The following FANCA variants were observed in gnomAD, a reference collection of about 807,000 sequenced individuals.
FANCA encodes the protein Fanconi anemia group A protein.
FANCA carries 236 observed loss-of-function variants against 194.3 expected under a neutral mutation model. The ratio of observed to expected loss-of-function variants is 1.21; its 90% CI spans 1.09 to 1.35. FANCA has a LOEUF of 1.35. Ranked by LOEUF, FANCA falls within the 40% of genes most tolerant of loss-of-function variation. FANCA has a pLI of 0.00. For synonymous variants in FANCA, 1,014 were observed against 715.8 expected (o/e 1.42, Z -6.65); for missense variants, 2,628 against 1,813.9 (o/e 1.45, Z -8.15).
chr16:89,796,955 G>A (rs569922428), intron 10 of FANCA, among the ~76,000 whole-genome samples: 2 of 152,044 alleles, frequency 1.3e-5, no homozygotes, highest in African/African-American at 2.4e-5. Context: ...TCAGGAGCTC[G>A]AGACCATCCC....
intron 28 of FANCA, 182 bp downstream of exon 28, chr16:89,764,708 C>T (rs766281873): frequency 2.3e-5 from 17 of 747,398 alleles, no homozygotes; most frequent in Non-Finnish European, 3.4e-5. Context: ...AGGAGACAGT[C>T]GGCACACGCA....
intron 28 of FANCA, among the ~76,000 whole-genome samples, chr16:89,763,920 G>GAAAA (rs60602870): frequency 7.0e-6 from 1 of 142,388 alleles, no homozygotes; most frequent in African/African-American, 2.6e-5. Flanking sequence ...GACTCCACCA[G>GAAAA]AAAAAAAAAA....
rs772236777 is a variant in FANCA, at chr16:89,775,818, G to C, written c.1827-3C>G. 1.2e-6 allele frequency: 2 copies of C among 1,606,040 alleles called. No individual in the cohort carries two copies. The highest frequency in any genetic ancestry group is 1.7e-6 in the Non-Finnish European group (2 of 1,174,222). ...GAGATGGGGGGATTTTATCTGCTCT[G>C]GATCACAGGAAAACAATACAATTAA... On this transcript the variant is annotated splice_polypyrimidine_tract_variant and splice_region_variant and intron_variant, in intron 20 of 42. Coordinates refer to ENST00000389301, the MANE Select transcript of FANCA (RefSeq NM_000135.4).
At chr16:89,763,915 C>A (rs1176912653) in intron 28 of FANCA, among the ~76,000 whole-genome samples, 1 of 107,226 alleles carries the variant, frequency 9.3e-6, no homozygotes, top group African/African-American at 4.4e-5. Context: ...AGTAAGACTC[C>A]ACCAGAAAAA....
chr16:89,756,702 C>A (rs1415833141), intron 30 of FANCA, among the ~76,000 whole-genome samples: 4 of 152,184 alleles, frequency 2.6e-5, no homozygotes, highest in African/African-American at 7.2e-5. Context: ...TATGGCTGAT[C>A]TTTCTGTTCC....
chr16:89,750,768 A>G (rs1254684855), intron 31 of FANCA, among the ~76,000 whole-genome samples: 1 of 151,930 alleles, frequency 6.6e-6, no homozygotes, highest in Non-Finnish European at 1.5e-5. Flanking sequence ...CTCAAAAACA[A>G]ACAGACAAAA....
At chr16:89,752,014 C>T in intron 31 of FANCA, 124 bp downstream of exon 31, 1 of 820,806 alleles carries the variant, frequency 1.2e-6, no homozygotes, top group Non-Finnish European at 2.1e-6. Context: ...GTGTGATCCG[C>T]CTGCCTCGGC....
rs2041026878 is a variant in FANCA at position 89,814,580 on chromosome 16, TGA to T, written c.221_222del (p.Leu74GlnfsTer5). On this transcript the variant is annotated frameshift_variant, in exon 3 of 43. Transcript: ENST00000389301. LOFTEE classifies it high-confidence loss of function. ...VEGPLCKKLSLSKVIDCDSSE... is the reference protein window; with the variant it reads ...VEGPLCKKLSXSKVIDCDSSE... The stretch of plus-strand genomic sequence containing the variant: ...GAACTGTCACAGTCAATCACTTTGC[TGA>T]GAGACAATTTTTTACACAGTGGACC... The T allele has an allele frequency of 2.5e-6, 4 of 1,613,966 alleles. No individual in the cohort carries two copies. Among genetic ancestry groups the T allele is most frequent in the South Asian group, 1.1e-5 (1 of 91,080 alleles).
chr16:89,748,740 G>A lies in FANCA; in HGVS notation c.3267C>T (p.Val1089=), dbSNP rs994416299. The A allele has an allele frequency of 6.2e-6, 10 of 1,614,088 alleles. No homozygotes were observed. Among genetic ancestry groups the A allele is most frequent in the East Asian group, 2.2e-5 (1 of 44,878 alleles). The change falls in exon 33 of 43, where the codon GTC becomes GTT. Residue 1089 remains valine (V), a synonymous_variant. Transcript: ENST00000389301. ...KRILLRLPSS[V]LCGSSFQAEQ... ...CTGCCTGGAAGCTGCTGCCGCAGAG[G>A]ACAGACGAAGGCAGGCGGAGGAGGA...
chr16:89,737,944 C>G lies in FANCA; in HGVS notation c.*657G>C, dbSNP rs756514805. The G allele has an allele frequency of 1.1e-5, 17 of 1,613,830 alleles. No homozygotes were observed. Among genetic ancestry groups the G allele is most frequent in the Non-Finnish European group, 1.4e-5 (17 of 1,179,884 alleles). ...AGGACCCCCTCCCAGGGCTGTGGCCCTCGCACCTTCTTATCTGCCTCTGTC... is the reference window on the plus strand; with the variant it reads ...AGGACCCCCTCCCAGGGCTGTGGCCGTCGCACCTTCTTATCTGCCTCTGTC... On this transcript the variant is annotated 3_prime_UTR_variant, in exon 43 of 43. Coordinates refer to ENST00000389301, the MANE Select transcript of FANCA (RefSeq NM_000135.4).
intron 36 of FANCA, among the ~76,000 whole-genome samples, chr16:89,743,887 G>A (rs898287560): frequency 2.6e-5 from 4 of 151,304 alleles, no homozygotes; most frequent in Middle Eastern, 6.4e-3. Flanking sequence ...AATTAGAACT[G>A]GAGGTGTGAC....
intron 3 of FANCA, among the ~76,000 whole-genome samples, chr16:89,811,572 A>T (rs921406041): frequency 6.6e-6 from 1 of 152,168 alleles, no homozygotes; most frequent in Non-Finnish European, 1.5e-5. Context: ...TCCGCAGGCC[A>T]CCAAGTGGAA....
At chr16:89,747,027 T>C (rs2038414808) in intron 33 of FANCA, 137 bp from the exon 34 acceptor site, 3 of 850,952 alleles carry the variant, frequency 3.5e-6, no homozygotes, top group Admixed American at 4.0e-5. Flanking sequence ...ATGGTGCTCC[T>C]GGGCTGACCG....
intron 37 of FANCA, 164 bp from the exon 38 acceptor site, chr16:89,741,030 A>G (rs2062120270): frequency 1.5e-6 from 1 of 669,794 alleles, no homozygotes; most frequent in Non-Finnish European, 2.7e-6. Context: ...GAGACAGCTT[A>G]ATTGAGAATT....
chr16:89,746,352 T>C (rs2040641016), intron 35 of FANCA, among the ~76,000 whole-genome samples: 1 of 152,116 alleles, frequency 6.6e-6, no homozygotes, highest in African/African-American at 2.4e-5. Flanking sequence ...GGAGAAGTCC[T>C]GCGGGTGCCA....
At chr16:89,778,015 A>T (rs1260147165) in intron 20 of FANCA, among the ~76,000 whole-genome samples, 1 of 152,000 alleles carries the variant, frequency 6.6e-6, no homozygotes, top group African/African-American at 2.4e-5. Flanking sequence ...TACAAAAATT[A>T]GCCGGGCGTG....
intron 23 of FANCA, 147 bp downstream of exon 23, chr16:89,771,531 T>C: frequency 4.8e-6 from 4 of 841,394 alleles, no homozygotes; most frequent in Non-Finnish European, 7.7e-6. Context: ...CTGACCCTGG[T>C]ACACCGCTGC....
At chr16:89,775,663 G>C in intron 21 of FANCA, 79 bp downstream of exon 21, 1 of 1,200,694 alleles carries the variant, frequency 8.3e-7, no homozygotes, top group South Asian at 1.3e-5. Context: ...CACTCGGGTG[G>C]TGTAGCACAA....
chr16:89,791,829 G>C (rs1284090463), intron 13 of FANCA, 98 bp downstream of exon 13: 39 of 1,490,058 alleles, frequency 2.6e-5, no homozygotes, highest in Non-Finnish European at 3.5e-5. Context: ...GTAGGGAAGG[G>C]CTTCACTGAG....
Sources: gnomAD v4.1 joint callset for allele counts (sites outside exome capture counted in the v4.1 genomes callset) on GRCh38, gnomAD v4.1.1 for gene constraint, MANE v1.5 for transcripts, NCBI Gene and HGNC (gene_info 2026-07-23, HGNC 2026-07-21) for gene names.